Variants in NDUFA10 observed in about 807,000 individuals in gnomAD.
NDUFA10 encodes NADH dehydrogenase [ubiquinone] 1 alpha subcomplex subunit 10, mitochondrial.
Under a neutral mutation model 47.8 loss-of-function variants are expected in NDUFA10, and 40 were observed. That is an observed-to-expected ratio of 0.84 (90% confidence interval 0.65 to 1.09). NDUFA10 has a LOEUF of 1.09. NDUFA10 is among the 50% of genes least tolerant of loss of function. NDUFA10 has a pLI of 0.00. For missense variants in NDUFA10, 413 were observed against 451.1 expected (o/e 0.92, Z 0.76); for synonymous variants, 183 against 172.2 (o/e 1.06, Z -0.49).
chr2:239,940,271 G>T (rs193131461), intron 4 of NDUFA10, among the ~76,000 whole-genome samples: 1 of 152,358 alleles, frequency 6.6e-6, no homozygotes, highest in East Asian at 1.9e-4. Context: ...TGTGGCCCCC[G>T]GGCCAGTTTG....
intron 4 of NDUFA10, among the ~76,000 whole-genome samples, chr2:239,896,863 C>T (rs1328994106): frequency 6.6e-6 from 1 of 151,978 alleles, no homozygotes; most frequent in African/African-American, 2.4e-5. Context: ...ACAAGATTGG[C>T]AAAATATTGA....
chr2:240,005,287 C>A lies in NDUFA10; in HGVS notation c.813G>T (p.Glu271Asp), dbSNP rs148131506. The change falls in exon 8 of 10, where the codon GAG becomes GAT. Residue 271 changes from glutamate to aspartate, a missense_variant. Coordinates refer to ENST00000252711, the MANE Select transcript of NDUFA10 (RefSeq NM_004544.4). The part of the protein sequence containing the change: ...REAQDSKKVV[E>D]DIEYLKFDKG... ...TATCGAACTTCAGGTATTCAATGTC[C>A]TCTACCACCTAAGACAGGAAAAATT... The A allele has an allele frequency of 1.9e-6, 3 of 1,613,550 alleles. No individual in the cohort carries two copies. In the African/African-American group the frequency reaches 4.0e-5, roughly 22 times the overall value.
At chr2:240,014,288 T>C (rs769045691) in intron 5 of NDUFA10, 30 of 277,274 alleles carry the variant, frequency 1.1e-4, no homozygotes, top group Non-Finnish European at 2.1e-4. Flanking sequence ...TGTTCTAGAA[T>C]TGGTAAGTAA....
chr2:239,961,806 G>C (rs1694863085), intron 9 of NDUFA10, among the ~76,000 whole-genome samples: 1 of 152,240 alleles, frequency 6.6e-6, no homozygotes, highest in Non-Finnish European at 1.5e-5. Flanking sequence ...AGGAGCGACA[G>C]GACGACAGAG....
chr2:240,007,296 CT>C lies in NDUFA10; in HGVS notation c.804+19del. On this transcript the variant is annotated intron_variant, in intron 7 of 9. Coordinates refer to ENST00000252711, the MANE Select transcript of NDUFA10 (RefSeq NM_004544.4). ...AATCAAATGTAGGAATAACTTTCAACTTTTCAACCATTTTCTTACCTTTTTT... is the reference window on the plus strand; with the variant it reads ...AATCAAATGTAGGAATAACTTTCAACTTTCAACCATTTTCTTACCTTTTTT... 1 of 1,560,292 alleles carries C rather than the reference CT, an allele frequency of 6.4e-7. No individual in the cohort carries two copies. Among genetic ancestry groups the C allele is most frequent in the Non-Finnish European group, 8.8e-7 (1 of 1,132,114 alleles).
chr2:239,965,125 G>A (rs1362869288), intron 9 of NDUFA10, among the ~76,000 whole-genome samples: 1 of 152,166 alleles, frequency 6.6e-6, no homozygotes, highest in Non-Finnish European at 1.5e-5. Flanking sequence ...TTTTAAATCA[G>A]AGCAGATAAT....
At chr2:239,893,202 G>A (rs1278207563) in intron 5 of NDUFA10, among the ~76,000 whole-genome samples, 2 of 152,198 alleles carry the variant, frequency 1.3e-5, no homozygotes, top group South Asian at 4.1e-4. Context: ...GCTCAATCAG[G>A]CCAGCTGCAG....
intron 8 of NDUFA10, among the ~76,000 whole-genome samples, chr2:239,999,985 G>A (rs998088316): frequency 1.3e-5 from 2 of 152,208 alleles, no homozygotes; most frequent in African/African-American, 4.8e-5. Context: ...TCACAGCGCC[G>A]TGGCTCAGCG....
chr2:239,919,841 G>A (rs756730496), intron 4 of NDUFA10, among the ~76,000 whole-genome samples: 12 of 152,314 alleles, frequency 7.9e-5, no homozygotes, highest in African/African-American at 1.2e-4. Context: ...GAGAGAATGC[G>A]GGGGAAGACA....
intron 4 of NDUFA10, among the ~76,000 whole-genome samples, chr2:239,910,148 A>G (rs1395057001): frequency 1.3e-5 from 2 of 152,220 alleles, no homozygotes. Flanking sequence ...ATTGTGGAAG[A>G]CAGTGTGGCG....
Position 240,025,336 on chromosome 2 carries a change from G to T in NDUFA10, c.-35C>A. 1 of 1,475,428 alleles carries T rather than the reference G, an allele frequency of 6.8e-7. No individual in the cohort carries two copies. Among genetic ancestry groups the T allele is most frequent in the African/African-American group, 1.5e-5 (1 of 68,194 alleles). 91.4% of individuals were successfully genotyped at this position (1,475,428 alleles called of 1,614,324 possible). The stretch of plus-strand genomic sequence containing the variant: ...GTCAGCTCAGGATCAAGGACCCAAG[G>T]GGACGCGGTCGCGACGGGGCCCTCT... On this transcript the variant is annotated 5_prime_UTR_variant, in exon 1 of 10. Coordinates refer to ENST00000252711, the MANE Select transcript of NDUFA10 (RefSeq NM_004544.4).
intron 4 of NDUFA10, among the ~76,000 whole-genome samples, chr2:239,912,564 G>A (rs2106472656): frequency 7.1e-6 from 1 of 140,546 alleles, no homozygotes; most frequent in South Asian, 2.3e-4. Flanking sequence ...TGAGTGGCTG[G>A]CTAGCCTTTC....
intron 4 of NDUFA10, among the ~76,000 whole-genome samples, chr2:240,017,320 A>G (rs1574895067): frequency 6.6e-6 from 1 of 152,136 alleles, no homozygotes; most frequent in Admixed American, 6.5e-5. Context: ...ACTATAGGAC[A>G]CCACCACCAG....
At chr2:240,002,976 A>G (rs1025760742) in intron 8 of NDUFA10, among the ~76,000 whole-genome samples, 1 of 152,062 alleles carries the variant, frequency 6.6e-6, no homozygotes, top group Non-Finnish European at 1.5e-5. Context: ...TAACCTCCCA[A>G]GTAGCTGAAA....
chr2:239,974,980 T>C (rs1206486455), intron 9 of NDUFA10, among the ~76,000 whole-genome samples: 2 of 144,782 alleles, frequency 1.4e-5, no homozygotes, highest in Non-Finnish European at 3.0e-5. Flanking sequence ...ACCAAAGAGC[T>C]GGTCATTTAA....
rs1468713624 is a variant in NDUFA10 at position 239,959,302 on chromosome 2, C to T, written c.*1816G>A. 5.1e-6 allele frequency: 5 copies of T among 985,480 alleles called. No individual in the cohort carries two copies. The highest frequency in any genetic ancestry group is 6.0e-6 in the Non-Finnish European group (5 of 829,952). The allele number at this position is 985,480 out of a possible 1,614,324, so 61.0% of individuals were successfully genotyped here. On this transcript the variant is annotated 3_prime_UTR_variant, in exon 10 of 10. Transcript: ENST00000252711. ...CACAAGGGCAATCCTGACCACAGGGCAGACCTGCCCTCTCACTGCTGAGGA... is the reference window on the plus strand; with the variant it reads ...CACAAGGGCAATCCTGACCACAGGGTAGACCTGCCCTCTCACTGCTGAGGA...
At chr2:239,914,093 G>A (rs1289201558) in intron 4 of NDUFA10, among the ~76,000 whole-genome samples, 2 of 152,080 alleles carry the variant, frequency 1.3e-5, no homozygotes, top group Non-Finnish European at 2.9e-5. Context: ...CAGGAGAAAC[G>A]GAGTTCACAG....
chr2:239,927,491 C>T (rs552481506), intron 4 of NDUFA10, among the ~76,000 whole-genome samples: 2 of 152,170 alleles, frequency 1.3e-5, no homozygotes, highest in Non-Finnish European at 2.9e-5. Flanking sequence ...CACTCCCCAC[C>T]CACTGGCTGA....
In NDUFA10 at chr2:239,945,219, T is replaced by C. The variant is rs116436699; in HGVS notation, c.294+44855A>G. 0.013 allele frequency among the ~76,000 whole-genome samples: 1,936 copies of C among 152,268 alleles called. 45 individuals carry two copies. Among genetic ancestry groups the C allele is most frequent in the African/African-American group, 0.043 (1,807 of 41,552 alleles). Reference sequence around the variant, plus strand: ...CCACTTCTCAGGTCACCGGCAGGCGTTGAGCAGGCCGCTCTGCAGACGCTG... The same window carrying C: ...CCACTTCTCAGGTCACCGGCAGGCGCTGAGCAGGCCGCTCTGCAGACGCTG... On this transcript the variant is annotated intron_variant, in intron 4 of 5. Transcript: ENST00000419408. The surrounding 1 kb of genome is among the most constrained non-coding windows in gnomAD (Gnocchi z 4.6).
Sources: allele counts gnomAD v4.1 joint callset (sites outside exome capture counted in the v4.1 genomes callset), GRCh38; gene constraint gnomAD v4.1.1; non-coding constraint Gnocchi (gnomAD v3.1); transcripts MANE v1.5; gene names NCBI Gene and HGNC (gene_info 2026-07-23, HGNC 2026-07-21).